Variants in SMOX observed in about 807,000 individuals in gnomAD.
The protein encoded by SMOX is spermine oxidase.
A neutral mutation model predicts 51.0 loss-of-function variants in SMOX; 22 were observed. That is an observed-to-expected ratio of 0.43 (90% CI 0.31 to 0.62). The LOEUF is 0.62. Ranked by LOEUF, SMOX falls within the 20% of genes least tolerant of loss-of-function variation. The probability of loss-of-function intolerance (pLI) is 0.10; values close to 1 mark genes in which losing one functional copy is unlikely to be tolerated. For missense variants in SMOX, 566 were observed against 777.7 expected (o/e 0.73, Z 3.24); for synonymous variants, 282 against 307.8 (o/e 0.92, Z 0.88).
At chr20:4,155,531 T>G (rs1600794731) in intron 1 of SMOX, among the ~76,000 whole-genome samples, 1 of 152,122 alleles carries the variant, frequency 6.6e-6, no homozygotes, top group Non-Finnish European at 1.5e-5. Context: ...TTCAGGTCCC[T>G]CCAGGGGGGT....
chr20:4,177,282 G>A lies in SMOX; in HGVS notation c.209-69G>A. 4 of 1,340,894 alleles carry A rather than the reference G, an allele frequency of 3.0e-6. No homozygotes were observed. Among genetic ancestry groups the A allele is most frequent in the Non-Finnish European group, 4.1e-6 (4 of 964,190 alleles). 83.1% of individuals were successfully genotyped at this position (1,340,894 alleles called of 1,614,324 possible). On this transcript the variant is annotated intron_variant, in intron 2 of 6. Coordinates refer to ENST00000305958, the MANE Select transcript of SMOX (RefSeq NM_175839.3). This position sits in a 1 kb window ranked among gnomAD's most constrained non-coding sequence, Gnocchi z 4.3. ...GGAAAGACCCTCTTGGAGGAAGGAG[G>A]GGGAAGCAGTGCTGGCCCTCTCTGG...
chr20:4,169,864 G>T (rs1568738153), intron 1 of SMOX, among the ~76,000 whole-genome samples: 1 of 152,160 alleles, frequency 6.6e-6, no homozygotes, highest in Non-Finnish European at 1.5e-5. Context: ...GCTGTTTCCT[G>T]CAGGCCTTCA....
At chr20:4,169,154 C>G (rs57043421) in intron 1 of SMOX, among the ~76,000 whole-genome samples, 11,828 of 151,930 alleles carry the variant, frequency 0.078, 582 homozygotes, top group African/African-American at 0.13. Context: ...TTCAGACAGT[C>G]TGAATATGTT....
Position 4,187,186 on chromosome 20 carries a change from G to A in SMOX, c.1531-84G>A, listed in dbSNP as rs79924807. On this transcript the variant is annotated intron_variant, in intron 6 of 6. Transcript: ENST00000305958. This position sits in a 1 kb window ranked among gnomAD's most constrained non-coding sequence, Gnocchi z 4.8. ...CCTCTCTAATTTGTCATTGGGATGG[G>A]AGGTTCTGGTGGAGAGGGGTGGCCT... 0.057 allele frequency: 84,044 copies of A among 1,483,330 alleles called. 2,990 individuals carry two copies. Among genetic ancestry groups the A allele is most frequent in the East Asian group, 0.13 (5,577 of 41,708 alleles). The allele number at this position is 1,483,330 out of a possible 1,614,324, so 91.9% of individuals were successfully genotyped here. A position where few individuals can be genotyped will look rare whatever the true frequency, so the allele number is the denominator to read the frequency against.
At chr20:4,156,067 C>A (rs755104671) in intron 1 of SMOX, among the ~76,000 whole-genome samples, 1 of 152,184 alleles carries the variant, frequency 6.6e-6, no homozygotes, top group Non-Finnish European at 1.5e-5. Flanking sequence ...CAATCTCAAG[C>A]GTTCAGGGGA....
rs1252608602 is a variant in SMOX at position 4,172,759 on chromosome 20, G to A, written c.-26-2271G>A. ...TTCTGCACGGAGTTGGCGGGCCTGG[G>A]TCTCAGGGGGACTTGGAGGGATTTT... On this transcript the variant is annotated intron_variant, in intron 1 of 6. Transcript: ENST00000305958. The surrounding 1 kb of genome is among the most constrained non-coding windows in gnomAD (Gnocchi z 7.7). Among the ~76,000 whole-genome samples the A allele has an allele frequency of 6.7e-6, 1 of 149,530 alleles. No homozygotes were observed. The highest frequency in any genetic ancestry group is 2.0e-4 in the East Asian group (1 of 4,990).
chr20:4,165,731 A>T (rs956347619), intron 1 of SMOX, among the ~76,000 whole-genome samples: 1 of 152,000 alleles, frequency 6.6e-6, no homozygotes, highest in East Asian at 1.9e-4. Context: ...ACAAATGGGG[A>T]AAATGAGGTT....
In SMOX at chr20:4,170,997, C is replaced by T. The variant is rs1986801907; in HGVS notation, c.-26-4033C>T. On this transcript the variant is annotated intron_variant, in intron 1 of 6. Coordinates refer to ENST00000305958, the MANE Select transcript of SMOX (RefSeq NM_175839.3). The surrounding 1 kb of genome is among the most constrained non-coding windows in gnomAD (Gnocchi z 4.6). The stretch of plus-strand genomic sequence containing the variant: ...TCAAGGCGTGGGTGCAGGCGCTGGG[C>T]AAGAGGCTCACACCCCCACTTTGCC... Among the ~76,000 whole-genome samples, 1 of 152,134 alleles carries T rather than the reference C, an allele frequency of 6.6e-6. No individual in the cohort carries two copies. The highest frequency in any genetic ancestry group is 2.1e-4 in the South Asian group (1 of 4,820).
At chr20:4,169,204 G>A (rs1600810324) in intron 1 of SMOX, among the ~76,000 whole-genome samples, 1 of 152,206 alleles carries the variant, frequency 6.6e-6, no homozygotes, top group South Asian at 2.1e-4. Context: ...GTCTCACTAT[G>A]TTGTCCAGGC....
Position 4,182,415 on chromosome 20 carries a change from G to A in SMOX, c.936G>A (p.Ser312=), listed in dbSNP as rs145586949. Residue 312 remains serine, a synonymous_variant, in exon 5 of 7, where the codon TCG becomes TCA. Transcript: ENST00000305958. This position sits in a 1 kb window ranked among gnomAD's most constrained non-coding sequence, Gnocchi z 8.4. ...GGRWDEDEQW[S]VVVECEDCEL... ...GGTGGGATGAGGATGAGCAGTGGTC[G>A]GTGGTGGTGGAGTGCGAGGACTGTG... is the stretch of plus-strand genomic sequence containing the variant. 130 of 1,602,528 alleles carry A rather than the reference G, an allele frequency of 8.1e-5. No homozygotes were observed. The African/African-American group carries it at 1.2e-3, about 15-fold the overall frequency.
At chr20:4,168,001 C>T (rs1986641673) in intron 1 of SMOX, among the ~76,000 whole-genome samples, 1 of 151,984 alleles carries the variant, frequency 6.6e-6, no homozygotes, top group South Asian at 2.1e-4. Flanking sequence ...TGGGGGGCCT[C>T]AAGAATCCAA....
intron 1 of SMOX, among the ~76,000 whole-genome samples, chr20:4,162,783 C>T (rs1480270850): frequency 2.0e-5 from 3 of 152,228 alleles, no homozygotes; most frequent in Non-Finnish European, 2.9e-5. Context: ...GATGAGGAAA[C>T]GGTCTTTCCA....
At position 4,183,230 on chromosome 20, in the gene SMOX, A is replaced by G; in HGVS notation, c.1370-264A>G. On this transcript the variant is annotated intron_variant, in intron 5 of 6. Coordinates refer to ENST00000305958, the MANE Select transcript of SMOX (RefSeq NM_175839.3). The surrounding 1 kb of genome is among the most constrained non-coding windows in gnomAD (Gnocchi z 4.3). Reference sequence around the variant, plus strand: ...CGAGAACCCCCGATATTAGGCGGGGAAACATGATTATGTGTCATGTGTTTT... The same window carrying G: ...CGAGAACCCCCGATATTAGGCGGGGGAACATGATTATGTGTCATGTGTTTT... 3.4e-6 allele frequency: 2 copies of G among 583,006 alleles called. No homozygotes were observed. The highest frequency in any genetic ancestry group is 4.1e-5 in the South Asian group (2 of 48,964). The allele number at this position is 583,006 out of a possible 1,614,324, so 36.1% of individuals were successfully genotyped here.
chr20:4,169,863 T>G (rs1986749484), intron 1 of SMOX, among the ~76,000 whole-genome samples: 1 of 152,158 alleles, frequency 6.6e-6, no homozygotes, highest in African/African-American at 2.4e-5. Flanking sequence ...GGCTGTTTCC[T>G]GCAGGCCTTC....
chr20:4,159,024 A>G (rs2122407410), intron 1 of SMOX, among the ~76,000 whole-genome samples: 1 of 152,364 alleles, frequency 6.6e-6, no homozygotes, highest in Admixed American at 6.5e-5. Flanking sequence ...AATTAAAAAA[A>G]AAAAATCATA....
chr20:4,184,962 C>G (rs1979623964), intron 6 of SMOX, among the ~76,000 whole-genome samples: 1 of 152,188 alleles, frequency 6.6e-6, no homozygotes, highest in Non-Finnish European at 1.5e-5. Context: ...TGCAGAAGCT[C>G]CAGTTCTCAC....
intron 3 of SMOX, among the ~76,000 whole-genome samples, chr20:4,179,740 T>C (rs1238035807): frequency 1.3e-5 from 2 of 152,238 alleles, no homozygotes; most frequent in Non-Finnish European, 2.9e-5. Flanking sequence ...CTCTGAGCCT[T>C]ACTTTCCTCT....
intron 6 of SMOX, among the ~76,000 whole-genome samples, chr20:4,185,453 T>C (rs1979660232): frequency 6.7e-6 from 1 of 148,818 alleles, no homozygotes; most frequent in Non-Finnish European, 1.5e-5. Context: ...CTACTAAAAA[T>C]ACAAAATTAG....
rs951358035 is a variant in SMOX at position 4,172,981 on chromosome 20, G to A, written c.-26-2049G>A. Reference sequence around the variant, plus strand: ...TGTTAAGGACGCTGCGGTTCCAAGTGGGATAGAAACCTCAGTGGTCAGACC... The same window carrying A: ...TGTTAAGGACGCTGCGGTTCCAAGTAGGATAGAAACCTCAGTGGTCAGACC... On this transcript the variant is annotated intron_variant, in intron 1 of 6. Transcript: ENST00000305958. The surrounding 1 kb of genome is among the most constrained non-coding windows in gnomAD (Gnocchi z 7.7). 3.9e-5 allele frequency among the ~76,000 whole-genome samples: 6 copies of A among 152,324 alleles called. No individual in the cohort carries two copies. The highest frequency in any genetic ancestry group is 3.9e-4 in the Admixed American group (6 of 15,302).
Sources: gnomAD v4.1 joint callset for allele counts (sites outside exome capture counted in the v4.1 genomes callset) on GRCh38, gnomAD v4.1.1 for gene constraint, Gnocchi (gnomAD v3.1) non-coding constraint, MANE v1.5 for transcripts, NCBI Gene and HGNC (gene_info 2026-07-23, HGNC 2026-07-21) for gene names.